Variants in ROBO2 observed in about 807,000 individuals in gnomAD.
The protein encoded by ROBO2 is roundabout homolog 2.
In ROBO2, 53 loss-of-function variants were observed where a neutral mutation model predicts 160.8. The observed-to-expected ratio is 0.33, with a 90% CI of 0.26 to 0.41. The LOEUF (loss-of-function observed/expected upper bound fraction) is 0.41. Among genes scored for constraint, ROBO2 ranks in the 10% least tolerant of loss-of-function variants. ROBO2 has a pLI of 1.00. For synonymous variants in ROBO2, 664 were observed against 611.7 expected, an observed-to-expected ratio of 1.09 and a Z score of -1.26; for missense variants, 1,577 against 1,722.4, an observed-to-expected ratio of 0.92 and a Z score of 1.49.
chr3:77,401,420 T>G (rs1476051533), intron 2 of ROBO2, among the ~76,000 whole-genome samples: 1 of 152,192 alleles, frequency 6.6e-6, no homozygotes, highest in Admixed American at 6.6e-5. Flanking sequence ...TTATGTGAAT[T>G]TTCATATACG....
intron 13 of ROBO2, 72 bp downstream of exon 14, chr3:77,568,506 G>A: frequency 6.4e-7 from 1 of 1,552,210 alleles, no homozygotes; most frequent in Non-Finnish European, 8.9e-7. Flanking sequence ...AAATGCAAAT[G>A]AACAAAGAGT....
chr3:76,980,804 T>C (rs576706878), intron 2 of ROBO2, among the ~76,000 whole-genome samples: 30 of 152,334 alleles, frequency 2.0e-4, no homozygotes, highest in East Asian at 3.9e-4. Context: ...ACCATTTTTA[T>C]TGTATCAAGA....
chr3:76,082,481 G>T (rs949065896), intron 2 of ROBO2, among the ~76,000 whole-genome samples: 4 of 152,086 alleles, frequency 2.6e-5, no homozygotes, highest in African/African-American at 4.8e-5. Flanking sequence ...AAATAGAAGA[G>T]CTACATAATT....
chr3:76,300,945 C>A (rs1420428517), intron 2 of ROBO2, among the ~76,000 whole-genome samples: 1 of 152,066 alleles, frequency 6.6e-6, no homozygotes, highest in Non-Finnish European at 1.5e-5. Context: ...TACTCTTTAT[C>A]TAAGCAATGG....
At chr3:76,907,398 T>C (rs1374004739) in intron 2 of ROBO2, among the ~76,000 whole-genome samples, 1 of 152,198 alleles carries the variant, frequency 6.6e-6, no homozygotes, top group Non-Finnish European at 1.5e-5. Context: ...GGATTTTAGA[T>C]TATTACAGTA....
chr3:75,972,984 G>T (rs764457047), intron 2 of ROBO2, among the ~76,000 whole-genome samples: 6 of 151,436 alleles, frequency 4.0e-5, no homozygotes, highest in Non-Finnish European at 8.9e-5. Context: ...ACCATAATCC[G>T]TGAAAAAATC....
intron 2 of ROBO2, among the ~76,000 whole-genome samples, chr3:76,990,831 C>A (rs978887585): frequency 1.3e-5 from 2 of 152,072 alleles, no homozygotes; most frequent in African/African-American, 4.8e-5. Flanking sequence ...ATGTGACCTT[C>A]TAGGGACATT....
chr3:76,433,075 A>G (rs578054574), intron 2 of ROBO2, among the ~76,000 whole-genome samples: 32 of 152,306 alleles, frequency 2.1e-4, no homozygotes, highest in East Asian at 1.2e-3. Flanking sequence ...TCTTTTTTCC[A>G]TAATTAGTAA....
intron 2 of ROBO2, among the ~76,000 whole-genome samples, chr3:76,403,340 C>G (rs983548682): frequency 1.3e-5 from 2 of 151,564 alleles, no homozygotes; most frequent in Admixed American, 1.3e-4. Flanking sequence ...AGATATCTGT[C>G]ATACTTGAAA....
chr3:77,139,446 G>A (rs1040557116), intron 2 of ROBO2, among the ~76,000 whole-genome samples: 2 of 152,146 alleles, frequency 1.3e-5, no homozygotes, highest in African/African-American at 2.4e-5. Flanking sequence ...TACCTAGGGT[G>A]TATTAATACT....
chr3:77,423,866 A>G (rs56272861), intron 2 of ROBO2, among the ~76,000 whole-genome samples: 11,976 of 152,208 alleles, frequency 0.079, 553 homozygotes, highest in African/African-American at 0.11. Flanking sequence ...GTCATAATGT[A>G]TTTGTATCTA....
chr3:76,532,863 T>C (rs2108081961), intron 2 of ROBO2, among the ~76,000 whole-genome samples: 1 of 152,322 alleles, frequency 6.6e-6, no homozygotes, highest in African/African-American at 2.4e-5. Context: ...GGTCACGTTT[T>C]ATATTTGTTC....
At chr3:77,583,035 G>GTA (rs2093957957) in intron 16 of ROBO2, among the ~76,000 whole-genome samples, 1 of 151,302 alleles carries the variant, frequency 6.6e-6, no homozygotes, top group Non-Finnish European at 1.5e-5. Flanking sequence ...CCAGCTACTC[G>GTA]GGAGGCTGAG....
intron 2 of ROBO2, among the ~76,000 whole-genome samples, chr3:76,548,347 C>T (rs148325486): frequency 3.0e-3 from 449 of 152,184 alleles, no homozygotes; most frequent in Middle Eastern, 0.021. Flanking sequence ...TCTGGACACA[C>T]ATAGATTCCA....
intron 22 of ROBO2, among the ~76,000 whole-genome samples, chr3:77,621,436 T>A (rs1303534714): frequency 1.9e-5 from 1 of 54,036 alleles, no homozygotes; most frequent in Non-Finnish European, 4.2e-5. Flanking sequence ...TCCAAAAAAT[T>A]AAATAAATAA....
intron 2 of ROBO2, among the ~76,000 whole-genome samples, chr3:77,005,418 T>C (rs1038180610): frequency 2.0e-5 from 3 of 152,218 alleles, no homozygotes; most frequent in Admixed American, 6.5e-5. Context: ...TGTTGTTCAA[T>C]ATGTTTTATA....
intron 2 of ROBO2, among the ~76,000 whole-genome samples, chr3:76,444,550 G>A (rs1201811949): frequency 6.6e-6 from 1 of 152,026 alleles, no homozygotes; most frequent in Non-Finnish European, 1.5e-5. Context: ...GCATCTTCTT[G>A]CACCTTCTTC....
chr3:77,521,396 A>T (rs2090583514), intron 5 of ROBO2, among the ~76,000 whole-genome samples: 1 of 151,320 alleles, frequency 6.6e-6, no homozygotes, highest in African/African-American at 2.4e-5. Context: ...ATCAAAATAG[A>T]TAACAATACA....
chr3:76,632,722 A>G (rs896246761), intron 2 of ROBO2, among the ~76,000 whole-genome samples: 26 of 152,272 alleles, frequency 1.7e-4, no homozygotes, highest in Admixed American at 3.9e-4. Context: ...TCATTTAACG[A>G]ATTTCAAAAA....
Sources: gnomAD v4.1 joint callset for allele counts (sites outside exome capture counted in the v4.1 genomes callset) on GRCh38, gnomAD v4.1.1 for gene constraint, MANE v1.5 for transcripts, NCBI Gene and HGNC (gene_info 2026-07-23, HGNC 2026-07-21) for gene names.